ZFAND3: variants seen among roughly 807,000 people sequenced by gnomAD.
The protein encoded by ZFAND3 is zinc finger AN1-type containing 3, also known as AN1-type zinc finger protein 3.
Under a neutral mutation model 29.6 loss-of-function variants are expected in ZFAND3, and 10 were observed. That is an observed-to-expected ratio of 0.34 (90% CI 0.21 to 0.57). The LOEUF (loss-of-function observed/expected upper bound fraction) is 0.57. Ranked by LOEUF, ZFAND3 falls within the 20% of genes least tolerant of loss-of-function variation. The probability of loss-of-function intolerance (pLI) is 0.86; values close to 1 mark genes in which losing one functional copy is unlikely to be tolerated. For synonymous variants in ZFAND3, 128 were observed against 112.6 expected (o/e 1.14, Z -0.87); for missense variants, 230 against 304.5 (o/e 0.76, Z 1.82).
chr6:37,860,141 G>A (rs1764457428), intron 1 of ZFAND3, among the ~76,000 whole-genome samples: 1 of 149,616 alleles, frequency 6.7e-6, no homozygotes, highest in Non-Finnish European at 1.5e-5. Flanking sequence ...AAAGTGCTGG[G>A]ATTACAGGCG....
At chr6:38,007,583 T>TTTAG (rs758290628) in intron 2 of ZFAND3, among the ~76,000 whole-genome samples, 4 of 152,212 alleles carry the variant, frequency 2.6e-5, no homozygotes, top group Non-Finnish European at 5.9e-5. Flanking sequence ...TTGTGTAGGA[T>TTTAG]TTAGGAATTG....
intron 2 of ZFAND3, among the ~76,000 whole-genome samples, chr6:38,008,045 T>A (rs1424392640): frequency 6.6e-6 from 1 of 152,148 alleles, no homozygotes; most frequent in Non-Finnish European, 1.5e-5. Flanking sequence ...TTTAACAAGA[T>A]CCCCAGGTGA....
chr6:37,827,284 C>A (rs1437608372), intron 1 of ZFAND3, among the ~76,000 whole-genome samples: 1 of 152,142 alleles, frequency 6.6e-6, no homozygotes, highest in Non-Finnish European at 1.5e-5. Context: ...ACTTTTGAGT[C>A]AGACATTTTA....
intron 1 of ZFAND3, among the ~76,000 whole-genome samples, chr6:37,825,970 A>G (rs1006101874): frequency 2.6e-5 from 4 of 152,196 alleles, no homozygotes; most frequent in Non-Finnish European, 4.4e-5. Flanking sequence ...AATTCTTGCA[A>G]TAATCACAGA....
intron 1 of ZFAND3, among the ~76,000 whole-genome samples, chr6:37,880,654 C>A (rs1033163822): frequency 6.6e-6 from 1 of 151,902 alleles, no homozygotes; most frequent in Non-Finnish European, 1.5e-5. Context: ...TACAAAACAT[C>A]TTTCATGAAG....
chr6:38,085,587 A>G lies in ZFAND3; in HGVS notation c.361+3130A>G, dbSNP rs1360160690. 1.3e-5 allele frequency among the ~76,000 whole-genome samples: 2 copies of G among 152,128 alleles called. 1 individual carries two copies. ...ATTATATGTGTGTGTGTTCATACAT[A>G]TACTTTTATTTATTTATTTATTTTT... is the stretch of plus-strand genomic sequence containing the variant. On this transcript the variant is annotated intron_variant, in intron 4 of 5. Transcript: ENST00000287218.
chr6:38,112,093 A>G (rs1208722071), intron 4 of ZFAND3, among the ~76,000 whole-genome samples: 1 of 152,138 alleles, frequency 6.6e-6, no homozygotes, highest in Non-Finnish European at 1.5e-5. Context: ...TTCCTTCCTT[A>G]TTTAATCACA....
At chr6:37,995,046 T>C (rs1354083633) in intron 2 of ZFAND3, among the ~76,000 whole-genome samples, 2 of 152,174 alleles carry the variant, frequency 1.3e-5, no homozygotes, top group East Asian at 3.8e-4. Flanking sequence ...TGTTAGTGAA[T>C]GAATGAGAGA....
chr6:37,865,353 T>C (rs914475425), intron 1 of ZFAND3, among the ~76,000 whole-genome samples: 2 of 152,156 alleles, frequency 1.3e-5, no homozygotes, highest in Admixed American at 6.5e-5. Context: ...CTGTACACGC[T>C]CAGTACAGGT....
At chr6:37,964,253 T>C (rs778268698) in intron 2 of ZFAND3, among the ~76,000 whole-genome samples, 3 of 152,226 alleles carry the variant, frequency 2.0e-5, no homozygotes, top group Non-Finnish European at 2.9e-5. Context: ...CAGGTGCATT[T>C]ACCTAGGTTC....
At chr6:38,045,455 A>C (rs1401357081) in intron 2 of ZFAND3, among the ~76,000 whole-genome samples, 1 of 152,178 alleles carries the variant, frequency 6.6e-6, no homozygotes, top group Non-Finnish European at 1.5e-5. Context: ...GCCTTGAAAG[A>C]TAAAATGAAA....
intron 2 of ZFAND3, among the ~76,000 whole-genome samples, chr6:38,014,336 T>TATTATTATTA (rs563013436): frequency 7.5e-5 from 11 of 147,216 alleles, no homozygotes; most frequent in African/African-American, 1.5e-4. Context: ...TATTATTTTT[T>TATTATTATTA]TTTTTTTGAG....
intron 1 of ZFAND3, among the ~76,000 whole-genome samples, chr6:37,929,123 C>T (rs1281933342): frequency 6.6e-6 from 1 of 152,162 alleles, no homozygotes; most frequent in Non-Finnish European, 1.5e-5. Flanking sequence ...ATATCCTGCT[C>T]AAGGTCATTG....
intron 1 of ZFAND3, among the ~76,000 whole-genome samples, chr6:37,901,679 A>G (rs902082037): frequency 6.6e-6 from 1 of 152,234 alleles, no homozygotes; most frequent in East Asian, 1.9e-4. Context: ...ATCAATTACT[A>G]ACTTCCAGTA....
At chr6:37,996,616 T>C (rs557613947) in intron 2 of ZFAND3, among the ~76,000 whole-genome samples, 5 of 152,166 alleles carry the variant, frequency 3.3e-5, no homozygotes, top group African/African-American at 4.8e-5. Flanking sequence ...TGCAAAACTC[T>C]ATCTAAAATG....
intron 5 of ZFAND3, among the ~76,000 whole-genome samples, chr6:38,136,811 T>C (rs1398009422): frequency 6.6e-6 from 1 of 152,206 alleles, no homozygotes; most frequent in East Asian, 1.9e-4. Flanking sequence ...CACCGTGTAG[T>C]TTGTGCATCC....
chr6:37,914,230 A>G (rs259677), intron 1 of ZFAND3, among the ~76,000 whole-genome samples: 96,257 of 152,066 alleles, frequency 0.63, 31,244 homozygotes, highest in African/African-American at 0.75. Context: ...TTTTCTGAGC[A>G]GTAGTTCTTA....
At chr6:38,128,448 C>T (rs780223619) in intron 5 of ZFAND3, among the ~76,000 whole-genome samples, 1 of 152,194 alleles carries the variant, frequency 6.6e-6, no homozygotes, top group Admixed American at 6.5e-5. Context: ...GAAGTATACA[C>T]TGCATCTTAT....
Position 38,070,269 on chromosome 6 carries a change from CA to C in ZFAND3, c.295+8499del, listed in dbSNP as rs546249757. On this transcript the variant is annotated intron_variant, in intron 3 of 5. Coordinates refer to ENST00000287218, the MANE Select transcript of ZFAND3 (RefSeq NM_021943.3). ...GAAACCCCCACCTCTACTAAAAATA[CA>C]AAAATTAGCCTGGCATGGTGTCAGG... Among the ~76,000 whole-genome samples the C allele has an allele frequency of 3.2e-4, 48 of 152,080 alleles. 2 individuals are homozygous for C. In the East Asian group the frequency reaches 7.9e-3, roughly 25 times the overall value.
Sources: allele counts gnomAD v4.1 joint callset (sites outside exome capture counted in the v4.1 genomes callset), GRCh38; gene constraint gnomAD v4.1.1; transcripts MANE v1.5; gene names NCBI Gene and HGNC (gene_info 2026-07-23, HGNC 2026-07-21).